Variants in PREX1 observed in about 807,000 individuals in gnomAD.
PREX1 encodes the protein phosphatidylinositol-3,4,5-trisphosphate dependent Rac exchange factor 1, also known as phosphatidylinositol 3,4,5-trisphosphate-dependent Rac exchanger 1 protein.
PREX1 carries 41 observed loss-of-function variants against 198.3 expected under a neutral mutation model. The observed-to-expected ratio is 0.21, with a 90% CI of 0.16 to 0.27. The LOEUF is 0.27. PREX1 is among the 10% of genes least tolerant of loss of function. The pLI is 1.00. For missense variants in PREX1, 1,620 were observed against 2,200.7 expected, an observed-to-expected ratio of 0.74 and a Z score of 5.28; for synonymous variants, 843 against 887.2, an observed-to-expected ratio of 0.95 and a Z score of 0.89.
intron 1 of PREX1, among the ~76,000 whole-genome samples, chr20:48,809,153 T>C (rs139813622): frequency 2.1e-4 from 32 of 152,198 alleles, no homozygotes; most frequent in Non-Finnish European, 2.5e-4. Flanking sequence ...TATAATGACA[T>C]CCACAGGGAG....
chr20:48,869,867 G>C, the PREX1 span, among the ~76,000 whole-genome samples: 1 of 152,084 alleles, frequency 6.6e-6, no homozygotes, highest in Admixed American at 6.5e-5. Flanking sequence ...AGCGGGGAGA[G>C]AGCATTAGGA....
At chr20:48,806,692 C>A (rs965213181) in intron 1 of PREX1, among the ~76,000 whole-genome samples, 2 of 152,182 alleles carry the variant, frequency 1.3e-5, no homozygotes, top group Non-Finnish European at 2.9e-5. Flanking sequence ...AACATACCAG[C>A]GCCTCTCAGA....
At chr20:48,629,703 C>A in intron 36 of PREX1, 82 bp from the exon 37 acceptor site, 1 of 1,433,808 alleles carries the variant, frequency 7.0e-7, no homozygotes, top group Non-Finnish European at 9.7e-7. Flanking sequence ...TCCTCCCCCA[C>A]CATATCCTTC....
intron 5 of PREX1, among the ~76,000 whole-genome samples, chr20:48,726,031 G>T (rs1262389346): frequency 6.6e-6 from 1 of 152,060 alleles, no homozygotes; most frequent in Non-Finnish European, 1.5e-5. Context: ...TAGTAGAGAG[G>T]TTCACTCTTT....
chr20:48,661,471 A>G (rs2089594161), intron 15 of PREX1, among the ~76,000 whole-genome samples: 1 of 114,312 alleles, frequency 8.7e-6, no homozygotes, highest in South Asian at 3.0e-4. Flanking sequence ...ATATATATAC[A>G]CACACATATA....
chr20:48,655,304 T>A lies in PREX1; in HGVS notation c.2195A>T (p.Tyr732Phe), dbSNP rs375108188. 3.2e-6 allele frequency: 5 copies of A among 1,585,922 alleles called. No homozygotes were observed. The highest frequency in any genetic ancestry group is 4.3e-6 in the Non-Finnish European group (5 of 1,158,038). ...QIRGAAPPYVYAVGRGSEAMA... is the reference protein window; with the variant it reads ...QIRGAAPPYVFAVGRGSEAMA... ...CTCCCACTCACCTCTCCCCACAGCATAGACGTACGGTGGGGCAGCTCCACG... is the reference window on the plus strand; with the variant it reads ...CTCCCACTCACCTCTCCCCACAGCAAAGACGTACGGTGGGGCAGCTCCACG... Residue 732 changes from tyrosine (Y) to phenylalanine (F), a missense_variant, in exon 19 of 40, where the codon TAT becomes TTT. Coordinates refer to ENST00000371941, the MANE Select transcript of PREX1 (RefSeq NM_020820.4).
At chr20:48,682,543 C>A (rs2089758331) in intron 10 of PREX1, among the ~76,000 whole-genome samples, 2 of 152,198 alleles carry the variant, frequency 1.3e-5, no homozygotes, top group South Asian at 4.1e-4. Context: ...GCTCAATGAT[C>A]ATTTATGGAA....
intron 1 of PREX1, among the ~76,000 whole-genome samples, chr20:48,769,922 G>C (rs1196890806): frequency 2.0e-5 from 3 of 152,182 alleles, no homozygotes; most frequent in African/African-American, 7.2e-5. Flanking sequence ...GTGAGGGAGA[G>C]AGCTTTTGTC....
chr20:48,706,196 T>C (rs2123081733), intron 6 of PREX1, among the ~76,000 whole-genome samples: 1 of 152,322 alleles, frequency 6.6e-6, no homozygotes, highest in East Asian at 1.9e-4. Flanking sequence ...CCTAGGCCCT[T>C]ACCAGAAAAA....
intron 1 of PREX1, among the ~76,000 whole-genome samples, chr20:48,751,353 C>T (rs4809725): frequency 0.34 from 51,344 of 152,114 alleles, 9,977 homozygotes; most frequent in Non-Finnish European, 0.43. Flanking sequence ...CTGGGAGTGC[C>T]GCACTCCGCT....
At chr20:48,836,976 T>G in the PREX1 span, among the ~76,000 whole-genome samples, 55 of 150,194 alleles carry the variant, frequency 3.7e-4, no homozygotes, top group East Asian at 9.5e-3. Flanking sequence ...TAAAAAGAAC[T>G]TACAGACCCC....
chr20:48,747,094 G>A (rs1215862848), intron 2 of PREX1, among the ~76,000 whole-genome samples: 1 of 151,830 alleles, frequency 6.6e-6, no homozygotes, highest in East Asian at 1.9e-4. Flanking sequence ...CAAATAATTC[G>A]GTGTAGAGCT....
chr20:48,838,501 GTAAA>G, the PREX1 span, among the ~76,000 whole-genome samples: 1 of 152,000 alleles, frequency 6.6e-6, no homozygotes, highest in Non-Finnish European at 1.5e-5. Flanking sequence ...TCACAAGTAA[GTAAA>G]TACTTAAATA....
At chr20:48,820,135 C>T (rs2090478222) in intron 1 of PREX1, among the ~76,000 whole-genome samples, 2 of 152,214 alleles carry the variant, frequency 1.3e-5, no homozygotes, top group African/African-American at 2.4e-5. Context: ...GAGTGTCTGA[C>T]CACAAGACAA....
At chr20:48,749,132 A>C (rs1033635027) in intron 1 of PREX1, among the ~76,000 whole-genome samples, 1 of 152,120 alleles carries the variant, frequency 6.6e-6, no homozygotes, top group Non-Finnish European at 1.5e-5. Context: ...GTCAGCACCT[A>C]AGGGAGACCG....
At chr20:48,743,940 T>A (rs1003574358) in intron 3 of PREX1, among the ~76,000 whole-genome samples, 2 of 152,154 alleles carry the variant, frequency 1.3e-5, no homozygotes, top group African/African-American at 4.8e-5. Flanking sequence ...CACAGCTCCA[T>A]CATCTTAGGC....
intron 13 of PREX1, among the ~76,000 whole-genome samples, chr20:48,679,087 G>T (rs960454315): frequency 1.3e-5 from 2 of 152,222 alleles, no homozygotes; most frequent in Non-Finnish European, 2.9e-5. Context: ...GAGAGGTTAA[G>T]TAACTCTGCC....
intron 14 of PREX1, among the ~76,000 whole-genome samples, chr20:48,674,093 A>G (rs1487786135): frequency 6.6e-6 from 1 of 152,214 alleles, no homozygotes; most frequent in Non-Finnish European, 1.5e-5. Context: ...AGGGCTGGGG[A>G]GTGTGGTACA....
At chr20:48,749,347 C>T (rs973711823) in intron 1 of PREX1, among the ~76,000 whole-genome samples, 1 of 152,156 alleles carries the variant, frequency 6.6e-6, no homozygotes, top group Non-Finnish European at 1.5e-5. Context: ...GGGGTCCACA[C>T]GGGGGCTGCT....
Sources: gnomAD v4.1 joint callset for allele counts (sites outside exome capture counted in the v4.1 genomes callset) on GRCh38, gnomAD v4.1.1 for gene constraint, MANE v1.5 for transcripts, NCBI Gene and HGNC (gene_info 2026-07-23, HGNC 2026-07-21) for gene names.